KIAA1328: variants seen among roughly 807,000 people sequenced by gnomAD.
KIAA1328 encodes the protein KIAA1328.
In KIAA1328, 52 loss-of-function variants were observed where a neutral mutation model predicts 68.1. The ratio of observed to expected loss-of-function variants is 0.76; its 90% confidence interval spans 0.61 to 0.96. KIAA1328 has a LOEUF of 0.96. Ranked by LOEUF, KIAA1328 falls within the 40% of genes least tolerant of loss-of-function variation. KIAA1328 has a pLI of 0.00. For missense variants in KIAA1328, 641 were observed against 677.6 expected (o/e 0.95, Z 0.60); for synonymous variants, 232 against 239.4 (o/e 0.97, Z 0.28).
chr18:37,138,391 C>T (rs1208191684), intron 7 of KIAA1328, among the ~76,000 whole-genome samples: 3 of 152,152 alleles, frequency 2.0e-5, no homozygotes, highest in Non-Finnish European at 2.9e-5. Flanking sequence ...TAGTGCTCCT[C>T]GGGGTGAGAC....
intron 7 of KIAA1328, among the ~76,000 whole-genome samples, chr18:37,117,996 A>G (rs901097710): frequency 1.5e-5 from 2 of 137,036 alleles, no homozygotes; most frequent in Non-Finnish European, 3.0e-5. Flanking sequence ...GGTATGTATA[A>G]TTGCTTTCTT....
intron 6 of KIAA1328, among the ~76,000 whole-genome samples, chr18:37,060,992 G>A (rs1248009110): frequency 6.6e-6 from 1 of 152,150 alleles, no homozygotes; most frequent in Non-Finnish European, 1.5e-5. Context: ...GTGTGTGCCT[G>A]TAGTCCCAGC....
intron 9 of KIAA1328, among the ~76,000 whole-genome samples, chr18:37,205,215 G>T (rs2060195040): frequency 6.6e-6 from 1 of 152,170 alleles, no homozygotes; most frequent in Non-Finnish European, 1.5e-5. Flanking sequence ...CAGCTCCTCA[G>T]CTGACTGACT....
chr18:37,085,283 G>T (rs1220803705), intron 7 of KIAA1328, among the ~76,000 whole-genome samples: 2 of 152,132 alleles, frequency 1.3e-5, no homozygotes, highest in Admixed American at 6.5e-5. Context: ...CTGAGGCAAA[G>T]TCTGGTTCTC....
chr18:37,178,380 G>C (rs2847592), intron 9 of KIAA1328, among the ~76,000 whole-genome samples: 60,721 of 152,012 alleles, frequency 0.4, 13,813 homozygotes, highest in African/African-American at 0.62. Flanking sequence ...GACATAATAT[G>C]CTTCAGGTTC....
At chr18:37,036,579 G>A (rs371090295) in intron 6 of KIAA1328, among the ~76,000 whole-genome samples, 9 of 152,172 alleles carry the variant, frequency 5.9e-5, no homozygotes, top group South Asian at 2.1e-4. Flanking sequence ...GTTGAGACAC[G>A]CAGAAACATG....
chr18:37,043,617 G>T (rs1329425683), intron 6 of KIAA1328, among the ~76,000 whole-genome samples: 1 of 152,072 alleles, frequency 6.6e-6, no homozygotes, highest in Non-Finnish European at 1.5e-5. Context: ...AAGTCATTCT[G>T]GCTTCAACCC....
rs946152328 is a variant in KIAA1328, at chr18:37,223,895, TAA to T, written c.*1670_*1671del. ...TTATATTTTTCTTCTGAAATAAATA[TAA>T]AGTCAAGACTAACTAGTTATAATCA... is the stretch of plus-strand genomic sequence containing the variant. On this transcript the variant is annotated 3_prime_UTR_variant, in exon 10 of 10. Transcript: ENST00000280020. 1 of 981,942 alleles carries T rather than the reference TAA, an allele frequency of 1.0e-6. No homozygotes were observed. The highest frequency in any genetic ancestry group is 1.7e-5 in the African/African-American group (1 of 57,160). 60.8% of individuals were successfully genotyped at this position (981,942 alleles called of 1,614,324 possible).
chr18:37,063,399 C>T (rs1327047731), intron 6 of KIAA1328, among the ~76,000 whole-genome samples: 1 of 152,146 alleles, frequency 6.6e-6, no homozygotes, highest in Non-Finnish European at 1.5e-5. Context: ...CAAGCACACC[C>T]AGGATAGTCT....
chr18:36,941,876 T>C (rs1434169772), intron 5 of KIAA1328, among the ~76,000 whole-genome samples: 1 of 151,850 alleles, frequency 6.6e-6, no homozygotes, highest in African/African-American at 2.4e-5. Flanking sequence ...ATGGGAAAAA[T>C]AGGTTTAGAA....
intron 5 of KIAA1328, among the ~76,000 whole-genome samples, chr18:36,927,429 T>C (rs1568174359): frequency 6.6e-6 from 1 of 152,202 alleles, no homozygotes; most frequent in Non-Finnish European, 1.5e-5. Context: ...TTTTCCTTGA[T>C]ATGATTATTT....
chr18:36,847,945 A>T (rs1006344672), intron 4 of KIAA1328, among the ~76,000 whole-genome samples: 3 of 151,734 alleles, frequency 2.0e-5, no homozygotes, highest in Non-Finnish European at 4.4e-5. Flanking sequence ...GCTGATGTAT[A>T]TGTCTATCCT....
At chr18:37,210,243 C>T (rs896128320) in intron 9 of KIAA1328, among the ~76,000 whole-genome samples, 4 of 152,142 alleles carry the variant, frequency 2.6e-5, no homozygotes, top group African/African-American at 4.8e-5. Context: ...GCAGAGGCTA[C>T]GTCCTCCTCT....
intron 6 of KIAA1328, among the ~76,000 whole-genome samples, chr18:36,977,339 T>C (rs1262768543): frequency 1.3e-5 from 2 of 152,228 alleles, no homozygotes; most frequent in East Asian, 3.8e-4. Context: ...TTTTTAAGTT[T>C]AATGCTCTGT....
intron 7 of KIAA1328, among the ~76,000 whole-genome samples, chr18:37,132,472 C>T (rs1473327213): frequency 6.6e-6 from 1 of 152,124 alleles, no homozygotes; most frequent in East Asian, 1.9e-4. Flanking sequence ...GCACATTGGT[C>T]AGGTGAGGTT....
chr18:37,140,474 G>C (rs1163181993), intron 7 of KIAA1328, among the ~76,000 whole-genome samples: 1 of 151,920 alleles, frequency 6.6e-6, no homozygotes, highest in Non-Finnish European at 1.5e-5. Flanking sequence ...TATAAGATTT[G>C]GGCAAAATAG....
At chr18:37,226,666 G>T (rs2060640254), downstream of KIAA1328, among the ~76,000 whole-genome samples, 1 of 148,676 alleles carries the variant, frequency 6.7e-6, no homozygotes, top group South Asian at 2.1e-4. Context: ...ATGAATATAT[G>T]ACATTTTTGT....
chr18:36,909,066 C>T (rs1427605863), intron 5 of KIAA1328, among the ~76,000 whole-genome samples: 1 of 152,006 alleles, frequency 6.6e-6, no homozygotes, highest in Admixed American at 6.6e-5. Flanking sequence ...ATATATTTAC[C>T]CTTCTGTTGA....
At chr18:37,087,599 G>A (rs1439471398) in intron 7 of KIAA1328, among the ~76,000 whole-genome samples, 1 of 152,120 alleles carries the variant, frequency 6.6e-6, no homozygotes, top group Non-Finnish European at 1.5e-5. Flanking sequence ...AAAAATCTGT[G>A]AAAAGCTCTC....
Sources: allele counts gnomAD v4.1 joint callset (sites outside exome capture counted in the v4.1 genomes callset), GRCh38; gene constraint gnomAD v4.1.1; transcripts MANE v1.5; gene names NCBI Gene and HGNC (gene_info 2026-07-23, HGNC 2026-07-21).